Variants in STXBP5L observed in about 807,000 individuals in gnomAD.
STXBP5L encodes the protein syntaxin-binding protein 5-like.
A neutral mutation model predicts 144.5 loss-of-function variants in STXBP5L; 65 were observed. The ratio of observed to expected loss-of-function variants is 0.45; its 90% CI spans 0.37 to 0.55. The LOEUF (loss-of-function observed/expected upper bound fraction) is 0.55. Ranked by LOEUF, STXBP5L falls within the 20% of genes least tolerant of loss-of-function variation. The pLI is 0.00. For missense variants in STXBP5L, 1,298 were observed against 1,405.5 expected (o/e 0.92, Z 1.22); for synonymous variants, 505 against 469.6 (o/e 1.08, Z -0.97).
intron 23 of STXBP5L, among the ~76,000 whole-genome samples, chr3:121,410,012 G>A (rs1274049440): frequency 6.6e-6 from 1 of 151,700 alleles, no homozygotes; most frequent in Non-Finnish European, 1.5e-5. Flanking sequence ...AGTAGTAAAG[G>A]AGAAAATTTT....
chr3:121,252,633 ACTGT>A (rs1309890678), intron 15 of STXBP5L, among the ~76,000 whole-genome samples: 1 of 152,220 alleles, frequency 6.6e-6, no homozygotes, highest in African/African-American at 2.4e-5. Context: ...TTTGTGAAAC[ACTGT>A]CTAATACAGA....
intron 8 of STXBP5L, among the ~76,000 whole-genome samples, chr3:121,154,332 G>C (rs961361901): frequency 1.3e-5 from 2 of 151,606 alleles, no homozygotes; most frequent in African/African-American, 4.8e-5. Flanking sequence ...CTCATATCTA[G>C]AAAGCATGCT....
intron 7 of STXBP5L, among the ~76,000 whole-genome samples, chr3:121,125,989 GACCATGCTAC>G (rs2044688354): frequency 6.6e-6 from 1 of 152,070 alleles, no homozygotes; most frequent in South Asian, 2.1e-4. Context: ...TTTCTTGCAA[GACCATGCTAC>G]ACCTGACCAG....
intron 2 of STXBP5L, among the ~76,000 whole-genome samples, chr3:120,926,923 A>G (rs1709662836): frequency 6.8e-6 from 1 of 147,814 alleles, no homozygotes; most frequent in Non-Finnish European, 1.5e-5. Flanking sequence ...TTCTCTGATA[A>G]ATTTCTTTCC....
In STXBP5L at chr3:121,009,383, A is replaced by G. The variant is rs151191584; in HGVS notation, c.288-32317A>G. Among the ~76,000 whole-genome samples, 4 of 152,078 alleles carry G rather than the reference A, an allele frequency of 2.6e-5. No homozygotes were observed. In the East Asian group the frequency reaches 7.7e-4, roughly 29 times the overall value. ...CAATCATGCCATTTGCAACTGCCCAACAGTCTGCATTTATCCTTCCTCACA... is the reference window on the plus strand; with the variant it reads ...CAATCATGCCATTTGCAACTGCCCAGCAGTCTGCATTTATCCTTCCTCACA... On this transcript the variant is annotated intron_variant, in intron 3 of 26. Transcript: ENST00000471454.
Position 121,349,530 on chromosome 3 carries a change from G to A in STXBP5L, c.2177-29186G>A, listed in dbSNP as rs1169685726. On this transcript the variant is annotated intron_variant, in intron 20 of 26. Transcript: ENST00000471454. ...GATATCCTTGTTAACTTTCTGTCTC[G>A]TTGATCTTCTAATGTTGACAGTGGG... is the stretch of plus-strand genomic sequence containing the variant. Among the ~76,000 whole-genome samples, 16 of 152,066 alleles carry A rather than the reference G, an allele frequency of 1.1e-4. No individual in the cohort carries two copies. In the South Asian group the frequency reaches 1.2e-3, roughly 12 times the overall value.
chr3:121,230,092 A>T (rs973975291), intron 11 of STXBP5L, among the ~76,000 whole-genome samples: 68 of 152,318 alleles, frequency 4.5e-4, no homozygotes, highest in African/African-American at 1.5e-3. Flanking sequence ...ATAGCTATTT[A>T]TCCCATTTAC....
chr3:121,067,689 A>C (rs959257739), intron 5 of STXBP5L, among the ~76,000 whole-genome samples: 1 of 152,146 alleles, frequency 6.6e-6, no homozygotes, highest in Non-Finnish European at 1.5e-5. Flanking sequence ...GTTCTATCTG[A>C]TATTAAGAGA....
At chr3:120,987,377 C>T (rs2701068) in intron 3 of STXBP5L, among the ~76,000 whole-genome samples, 78,173 of 151,672 alleles carry the variant, frequency 0.52, 20,568 homozygotes, top group Admixed American at 0.6. Context: ...TGGCTAATGA[C>T]ATTGAATAAA....
chr3:121,340,811 G>C (rs2044682095), intron 20 of STXBP5L, among the ~76,000 whole-genome samples: 5 of 152,118 alleles, frequency 3.3e-5, no homozygotes, highest in South Asian at 2.1e-4. Context: ...TCAAGTCATA[G>C]TATAATAACA....
chr3:121,385,414 C>T (rs955523516), intron 22 of STXBP5L, among the ~76,000 whole-genome samples: 3 of 152,126 alleles, frequency 2.0e-5, no homozygotes, highest in African/African-American at 4.8e-5. Context: ...ACTCACTAAT[C>T]ACCAAGGAGA....
intron 19 of STXBP5L, among the ~76,000 whole-genome samples, chr3:121,313,186 C>CG: frequency 1.0e-4 from 15 of 143,236 alleles, no homozygotes; most frequent in Admixed American, 4.1e-4. Context: ...CCCCTCACCT[C>CG]CCGGACGGGG....
intron 3 of STXBP5L, among the ~76,000 whole-genome samples, chr3:120,990,464 G>A (rs184638035): frequency 0.04 from 6,047 of 152,132 alleles, 168 homozygotes; most frequent in Middle Eastern, 0.082. Flanking sequence ...CTACTTCAAA[G>A]TTCATATGGA....
At chr3:120,957,597 T>A (rs981109866) in intron 3 of STXBP5L, among the ~76,000 whole-genome samples, 2 of 151,976 alleles carry the variant, frequency 1.3e-5, no homozygotes, top group Admixed American at 1.3e-4. Context: ...AATTTTTTTC[T>A]TAAGAGTTTG....
At chr3:121,379,151 G>T (rs890049704) in intron 21 of STXBP5L, among the ~76,000 whole-genome samples, 1 of 151,994 alleles carries the variant, frequency 6.6e-6, no homozygotes, top group Non-Finnish European at 1.5e-5. Context: ...GCCTAAATCT[G>T]TTCCCTACCC....
intron 3 of STXBP5L, among the ~76,000 whole-genome samples, chr3:120,990,561 T>C (rs1403512690): frequency 6.6e-6 from 1 of 152,076 alleles, no homozygotes; most frequent in African/African-American, 2.4e-5. Flanking sequence ...CAAACTATAC[T>C]ACAAGGCTAC....
intron 20 of STXBP5L, among the ~76,000 whole-genome samples, chr3:121,327,080 G>A (rs1226122578): frequency 6.6e-6 from 1 of 152,108 alleles, no homozygotes; most frequent in Non-Finnish European, 1.5e-5. Context: ...TGATCTGACT[G>A]AGACTTATTT....
chr3:121,161,461 C>CG (rs1360814252), intron 9 of STXBP5L, among the ~76,000 whole-genome samples: 3 of 151,542 alleles, frequency 2.0e-5, no homozygotes, highest in Non-Finnish European at 4.4e-5. Context: ...CAAAATTTTG[C>CG]GGGGTATCTT....
chr3:121,030,966 C>T (rs917286582), intron 3 of STXBP5L, among the ~76,000 whole-genome samples: 1 of 152,118 alleles, frequency 6.6e-6, no homozygotes, highest in African/African-American at 2.4e-5. Flanking sequence ...CCAAGAGCAA[C>T]ATCGCAAACC....
Sources: allele counts gnomAD v4.1 joint callset (sites outside exome capture counted in the v4.1 genomes callset), GRCh38; gene constraint gnomAD v4.1.1; transcripts MANE v1.5; gene names NCBI Gene and HGNC (gene_info 2026-07-23, HGNC 2026-07-21).